Variants in RNF212B observed in about 807,000 individuals in gnomAD.
RNF212B encodes ring finger protein 212B, also known as E3 ubiquitin-protein ligase RNF212B.
RNF212B carries 52 observed loss-of-function variants against 55.5 expected under a neutral mutation model. That is an observed-to-expected ratio of 0.94 (90% CI 0.75 to 1.18). The LOEUF is 1.18. RNF212B is among the 50% of genes most tolerant of loss of function. The pLI is 0.00. For synonymous variants in RNF212B, 99 were observed against 121.4 expected (o/e 0.82, Z 1.21); for missense variants, 289 against 350.4 (o/e 0.82, Z 1.40).
At chr14:23,229,220 T>TTTTTTATATATATATA (rs1183907201) in intron 2 of RNF212B, among the ~76,000 whole-genome samples, 1 of 65,034 alleles carries the variant, frequency 1.5e-5, no homozygotes, top group Admixed American at 2.1e-4. Context: ...GAATAATATT[T>TTTTTTATATATATATA]TATATATATA....
intron 2 of RNF212B, among the ~76,000 whole-genome samples, chr14:23,217,107 C>G (rs755520743): frequency 3.9e-5 from 6 of 151,956 alleles, no homozygotes; most frequent in Non-Finnish European, 1.5e-5. Context: ...CTGCTATGGA[C>G]CAGAGTGGAG....
chr14:23,192,640 C>T (rs1250260772), intron 1 of RNF212B, among the ~76,000 whole-genome samples: 1 of 151,916 alleles, frequency 6.6e-6, no homozygotes, highest in East Asian at 1.9e-4. Context: ...ACATATGTAA[C>T]AAACCTGCAC....
chr14:23,229,301 T>G lies in RNF212B; in HGVS notation c.-1-11044T>G, dbSNP rs143285344. Among the ~76,000 whole-genome samples the G allele has an allele frequency of 8.3e-3, 1,206 of 144,630 alleles. 16 individuals are homozygous for G. Among genetic ancestry groups the G allele is most frequent in the African/African-American group, 0.028 (1,132 of 39,762 alleles). The allele number at this position is 144,630 out of a possible 152,430, so 94.9% of individuals were successfully genotyped here. On this transcript the variant is annotated intron_variant, in intron 2 of 15. Transcript: ENST00000399910. ...CCATTCATCTACTAATGGACATTTG[T>G]GTTGTTTCTATCTTTTGGTTATTGT...
chr14:23,265,214 A>C (rs1885601621), intron 11 of RNF212B, among the ~76,000 whole-genome samples: 1 of 152,244 alleles, frequency 6.6e-6, no homozygotes, highest in East Asian at 1.9e-4. Flanking sequence ...ACCTCTGGTC[A>C]GGAGATGGAG....
At chr14:23,216,377 CAG>C (rs1315016311) in intron 2 of RNF212B, among the ~76,000 whole-genome samples, 17 of 151,354 alleles carry the variant, frequency 1.1e-4, no homozygotes, top group Non-Finnish European at 2.5e-4. Context: ...AGAAGTGAAA[CAG>C]AGGAATAAAA....
intron 2 of RNF212B, among the ~76,000 whole-genome samples, chr14:23,206,693 TC>T (rs1335407032): frequency 2.0e-5 from 3 of 152,106 alleles, no homozygotes; most frequent in African/African-American, 7.2e-5. Flanking sequence ...AAAATTTACA[TC>T]ATAAGGTAGA....
chr14:23,193,041 G>A (rs1325548720), intron 1 of RNF212B, among the ~76,000 whole-genome samples: 1 of 145,234 alleles, frequency 6.9e-6, no homozygotes, highest in African/African-American at 2.6e-5. Context: ...GCTGTGAGAC[G>A]AGATCACGCC....
chr14:23,266,404 G>GTTTTTTT lies in RNF212B; in HGVS notation c.634+1751_634+1757dup, dbSNP rs57731750. Among the ~76,000 whole-genome samples, 83 of 46,854 alleles carry GTTTTTTT rather than the reference G, an allele frequency of 1.8e-3. 4 individuals carry two copies. Among genetic ancestry groups the GTTTTTTT allele is most frequent in the African/African-American group, 3.5e-3 (27 of 7,764 alleles). The allele number at this position is 46,854 out of a possible 152,430, so 30.7% of individuals were successfully genotyped here. A position where few individuals can be genotyped will look rare whatever the true frequency, so the allele number is the denominator to read the frequency against. Reference sequence around the variant, plus strand: ...TTCAGTGATTTAAATCCTTTTAAATGTTTTTTTTTTTTTTTTTTTTTTTTG... The same window carrying GTTTTTTT: ...TTCAGTGATTTAAATCCTTTTAAATGTTTTTTTTTTTTTTTTTTTTTTTTTTTTTTTG... On this transcript the variant is annotated intron_variant, in intron 11 of 14. Coordinates refer to ENST00000430154, the MANE Select transcript of RNF212B (RefSeq NM_001282322.3).
chr14:23,256,737 A>G (rs956803809), intron 4 of RNF212B, among the ~76,000 whole-genome samples: 2 of 152,206 alleles, frequency 1.3e-5, no homozygotes, highest in African/African-American at 4.8e-5. Flanking sequence ...CCCAGACTGC[A>G]GTGCAGAGGC....
intron 2 of RNF212B, among the ~76,000 whole-genome samples, chr14:23,197,779 CTT>C (rs34895919): frequency 0.44 from 62,741 of 143,836 alleles, 14,727 homozygotes; most frequent in African/African-American, 0.64. Flanking sequence ...GTCTTGTCTT[CTT>C]TTTTTTTTTT....
At chr14:23,269,494 G>A (rs959521833) in intron 12 of RNF212B, among the ~76,000 whole-genome samples, 2 of 152,164 alleles carry the variant, frequency 1.3e-5, no homozygotes, top group African/African-American at 4.8e-5. Context: ...CACTTCGGGA[G>A]GCTAAGGTGG....
At chr14:23,219,510 C>T (rs1359183881) in intron 2 of RNF212B, among the ~76,000 whole-genome samples, 2 of 149,948 alleles carry the variant, frequency 1.3e-5, no homozygotes, top group African/African-American at 2.5e-5. Flanking sequence ...CTCACTCTGT[C>T]GCGCAGACTG....
At chr14:23,186,136 C>G (rs549363046) in intron 1 of RNF212B, among the ~76,000 whole-genome samples, 20 of 151,994 alleles carry the variant, frequency 1.3e-4, no homozygotes, top group Admixed American at 1.2e-3. Flanking sequence ...ACAAACAAAG[C>G]TAGGAAAGGA....
chr14:23,272,601 T>C, intron 14 of RNF212B: 1 of 555,576 alleles, frequency 1.8e-6, no homozygotes, highest in Non-Finnish European at 3.2e-6. Context: ...TATTCATCCT[T>C]ATTATTATCA....
rs183218627 is a variant in RNF212B, at chr14:23,208,283, C to T, written c.-2+14882C>T. On this transcript the variant is annotated intron_variant, in intron 2 of 15. Transcript: ENST00000399910. ...ACACTTGTAATTCCAGCACATTGGA[C>T]GAGAAGATCACTGGAGGCCAGGAGT... Among the ~76,000 whole-genome samples, 365 of 152,190 alleles carry T rather than the reference C, an allele frequency of 2.4e-3. 3 individuals carry two copies. The highest frequency in any genetic ancestry group is 8.2e-3 in the African/African-American group (339 of 41,514).
chr14:23,232,921 A>G (rs1316004740), intron 2 of RNF212B, among the ~76,000 whole-genome samples: 2 of 151,974 alleles, frequency 1.3e-5, no homozygotes, highest in Admixed American at 6.6e-5. Flanking sequence ...CCAACAGCTC[A>G]TTGAGAACGG....
At chr14:23,237,470 T>C (rs1365448712), upstream of RNF212B, among the ~76,000 whole-genome samples, 2 of 152,146 alleles carry the variant, frequency 1.3e-5, no homozygotes, top group African/African-American at 4.8e-5. Flanking sequence ...TAATTGAAAT[T>C]TGTTAGTTCT....
chr14:23,237,290 C>T (rs943232347), upstream of RNF212B, among the ~76,000 whole-genome samples: 4 of 152,052 alleles, frequency 2.6e-5, no homozygotes, highest in African/African-American at 7.2e-5. Context: ...TCGCCACACT[C>T]GGCTAATTTT....
chr14:23,225,091 A>C (rs975751807), intron 2 of RNF212B, among the ~76,000 whole-genome samples: 10 of 152,116 alleles, frequency 6.6e-5, no homozygotes, highest in Non-Finnish European at 1.0e-4. Flanking sequence ...CAAAAAAAAA[A>C]CACCTACAAT....
Sources: allele counts gnomAD v4.1 joint callset (sites outside exome capture counted in the v4.1 genomes callset), GRCh38; gene constraint gnomAD v4.1.1; transcripts MANE v1.5; gene names NCBI Gene and HGNC (gene_info 2026-07-23, HGNC 2026-07-21).